The following OR56A3 variants were observed in gnomAD, a reference collection of about 807,000 sequenced individuals.
OR56A3 encodes the protein olfactory receptor family 56 subfamily A member 3, also known as olfactory receptor 56A3.
A neutral mutation model predicts 17.5 loss-of-function variants in OR56A3; 23 were observed. The ratio of observed to expected loss-of-function variants is 1.32; its 90% CI spans 0.95 to 1.87. OR56A3 has a LOEUF of 1.87. OR56A3 is among the 40% of genes most tolerant of loss of function. OR56A3 has a pLI of 0.00. For missense variants in OR56A3, 366 were observed against 380.1 expected (o/e 0.96, Z 0.31); for synonymous variants, 175 against 150.6 (o/e 1.16, Z -1.19).
downstream of OR56A3, among the ~76,000 whole-genome samples, chr11:5,955,127 A>T (rs537482301): frequency 9.8e-5 from 15 of 152,334 alleles, 1 homozygote; most frequent in Admixed American, 9.1e-4. Flanking sequence ...GAACAGTCAT[A>T]GTGGAGAGAC....
chr11:5,948,483 T>C lies in OR56A3; in HGVS notation c.*189T>C. 1.1e-5 allele frequency: 6 copies of C among 554,272 alleles called. No individual in the cohort carries two copies. Among genetic ancestry groups the C allele is most frequent in the Admixed American group, 9.6e-5 (3 of 31,292 alleles). 34.3% of individuals were successfully genotyped at this position (554,272 alleles called of 1,614,324 possible). A position where few individuals can be genotyped will look rare whatever the true frequency, so the allele number is the denominator to read the frequency against. ...CTTTTCACCCTTTTCTCAGAAATAT[T>C]CTTGGCCCTCTCTCGTTTTATTCCA... On this transcript the variant is annotated 3_prime_UTR_variant, in exon 3 of 3. Transcript: ENST00000641160.
chr11:5,945,589 A>AAAT (rs1847864982), intron 2 of OR56A3, among the ~76,000 whole-genome samples: 1 of 150,254 alleles, frequency 6.7e-6, no homozygotes, highest in South Asian at 2.1e-4. Flanking sequence ...TAAAAAAAAA[A>AAAT]AAAAAAAAAA....
chr11:5,987,585 AC>A, the OR56A3 span, among the ~76,000 whole-genome samples: 1 of 152,122 alleles, frequency 6.6e-6, no homozygotes, highest in Non-Finnish European at 1.5e-5. Flanking sequence ...GGATTAATTC[AC>A]CTATTTTTCC....
the OR56A3 span, chr11:5,994,356 C>A: frequency 1.4e-6 from 1 of 693,154 alleles, no homozygotes; most frequent in South Asian, 1.4e-5. Flanking sequence ...CTGCTGAGAC[C>A]AGTACTTGTC....
At chr11:5,979,653 GT>G in the OR56A3 span, among the ~76,000 whole-genome samples, 1 of 151,764 alleles carries the variant, frequency 6.6e-6, no homozygotes, top group Non-Finnish European at 1.5e-5. Flanking sequence ...AAAGAAAAAC[GT>G]TTTGGTTTCA....
At chr11:5,985,812 G>T in the OR56A3 span, 1 of 799,072 alleles carries the variant, frequency 1.3e-6, no homozygotes, top group Non-Finnish European at 1.9e-6. Flanking sequence ...CTTTAGCATG[G>T]CACTAGTAAG....
the OR56A3 span, among the ~76,000 whole-genome samples, chr11:5,978,361 G>C: frequency 6.6e-6 from 1 of 152,038 alleles, no homozygotes; most frequent in Admixed American, 6.6e-5. Flanking sequence ...TTTCCCATTT[G>C]TTTATGTTGT....
the OR56A3 span, chr11:6,002,869 T>C: frequency 5.6e-6 from 9 of 1,613,838 alleles, no homozygotes; most frequent in South Asian, 4.4e-5. Context: ...TTAGCTCCCA[T>C]GGCCAGGAGG....
downstream of OR56A3, among the ~76,000 whole-genome samples, chr11:5,955,752 C>G (rs1047805681): frequency 6.6e-6 from 1 of 152,176 alleles, no homozygotes; most frequent in African/African-American, 2.4e-5. Context: ...TCTCTTTTCA[C>G]TCTTCATTTT....
the OR56A3 span, among the ~76,000 whole-genome samples, chr11:5,985,687 A>C: frequency 6.6e-6 from 1 of 152,238 alleles, no homozygotes; most frequent in African/African-American, 2.4e-5. Flanking sequence ...CCCAAGTCCT[A>C]CTGACACAAG....
At chr11:5,960,384 C>T in the OR56A3 span, among the ~76,000 whole-genome samples, 21 of 152,270 alleles carry the variant, frequency 1.4e-4, no homozygotes, top group Admixed American at 3.9e-4. Flanking sequence ...CTCAGCCTGC[C>T]GAGTGCCTGG....
the OR56A3 span, chr11:6,020,489 C>A: frequency 6.6e-6 from 1 of 152,086 alleles, no homozygotes; most frequent in African/African-American, 2.4e-5. Context: ...TTTCTTTGAG[C>A]AGTGTTTGGT....
the OR56A3 span, among the ~76,000 whole-genome samples, chr11:5,990,514 T>C: frequency 5.3e-5 from 8 of 152,200 alleles, no homozygotes; most frequent in African/African-American, 1.4e-4. Context: ...GTAATCACTC[T>C]GCACTGCTTC....
At chr11:6,006,398 C>A in the OR56A3 span, 1 of 152,090 alleles carries the variant, frequency 6.6e-6, no homozygotes, top group Non-Finnish European at 1.5e-5. Context: ...CAGTTCATAC[C>A]CTAGACTGAT....
downstream of OR56A3, among the ~76,000 whole-genome samples, chr11:5,956,176 G>C (rs1847931189): frequency 6.6e-6 from 1 of 152,204 alleles, no homozygotes; most frequent in South Asian, 2.1e-4. Context: ...GTTGGCCAAA[G>C]ATGTATTTGA....
chr11:6,011,874 G>A, the OR56A3 span, among the ~76,000 whole-genome samples: 1 of 152,284 alleles, frequency 6.6e-6, no homozygotes, highest in African/African-American at 2.4e-5. Flanking sequence ...GTGCCAGGAT[G>A]GGCACCAGCT....
the OR56A3 span, among the ~76,000 whole-genome samples, chr11:5,977,301 T>C: frequency 4.6e-5 from 7 of 152,188 alleles, no homozygotes; most frequent in African/African-American, 1.7e-4. Flanking sequence ...CTGCTTTCCA[T>C]AGTGGCTGAA....
chr11:5,972,733 ATTC>A, the OR56A3 span, among the ~76,000 whole-genome samples: 2 of 152,108 alleles, frequency 1.3e-5, no homozygotes, highest in Non-Finnish European at 2.9e-5. Context: ...GGTTCAAGCA[ATTC>A]TTCTGCCTCA....
the OR56A3 span, among the ~76,000 whole-genome samples, chr11:5,959,095 G>A: frequency 6.6e-6 from 1 of 152,198 alleles, no homozygotes; most frequent in Non-Finnish European, 1.5e-5. Flanking sequence ...ACATGAGACA[G>A]CAGCTATCTC....
Sources: allele counts gnomAD v4.1 joint callset (sites outside exome capture counted in the v4.1 genomes callset), GRCh38; gene constraint gnomAD v4.1.1; transcripts MANE v1.5; gene names NCBI Gene and HGNC (gene_info 2026-07-23, HGNC 2026-07-21).